The following RARB variants were observed in gnomAD, a reference collection of about 807,000 sequenced individuals.
RARB encodes HBV-activated protein.
RARB carries 17 observed loss-of-function variants against 51.9 expected under a neutral mutation model. The ratio of observed to expected loss-of-function variants is 0.33; its 90% confidence interval spans 0.22 to 0.49. The LOEUF is 0.49. RARB is among the 20% of genes least tolerant of loss of function. The probability of loss-of-function intolerance (pLI) is 0.99; values close to 1 mark genes in which losing one functional copy is unlikely to be tolerated. For synonymous variants in RARB, 215 were observed against 195.4 expected (o/e 1.10, Z -0.84); for missense variants, 369 against 550.8 (o/e 0.67, Z 3.30).
chr3:25,494,651 C>G (rs1425624974), intron 2 of RARB, among the ~76,000 whole-genome samples: 2 of 152,088 alleles, frequency 1.3e-5, no homozygotes, highest in Non-Finnish European at 2.9e-5. Flanking sequence ...TTTGTATGCT[C>G]CAAGAAAGCT....
chr3:25,558,344 C>T (rs991340374), intron 3 of RARB, among the ~76,000 whole-genome samples: 1 of 152,164 alleles, frequency 6.6e-6, no homozygotes, highest in Non-Finnish European at 1.5e-5. Flanking sequence ...TTTGCTCCTT[C>T]TTCATTCTTT....
chr3:24,924,245 C>T (rs922394931), intron 2 of RARB, among the ~76,000 whole-genome samples: 2 of 152,158 alleles, frequency 1.3e-5, no homozygotes, highest in Admixed American at 1.3e-4. Flanking sequence ...TAACCATGTA[C>T]TATCTTTGAT....
chr3:25,309,802 T>A (rs1704246454), intron 5 of RARB, among the ~76,000 whole-genome samples: 1 of 152,232 alleles, frequency 6.6e-6, no homozygotes, highest in African/African-American at 2.4e-5. Context: ...GCCTCATAAT[T>A]GCTCTTACCT....
intron 2 of RARB, among the ~76,000 whole-genome samples, chr3:25,474,295 C>A (rs774584231): frequency 3.6e-4 from 55 of 152,156 alleles, no homozygotes; most frequent in Non-Finnish European, 7.2e-4. Context: ...GATCTTACTT[C>A]TCTGTATTGT....
At chr3:25,222,512 TA>T (rs200130235) in intron 5 of RARB, among the ~76,000 whole-genome samples, 83 of 151,920 alleles carry the variant, frequency 5.5e-4, no homozygotes, top group Non-Finnish European at 6.2e-4. Flanking sequence ...TCAAATAGAT[TA>T]AAAAAACTTA....
chr3:25,514,675 C>T (rs1698070989), intron 3 of RARB, among the ~76,000 whole-genome samples: 1 of 152,164 alleles, frequency 6.6e-6, no homozygotes, highest in African/African-American at 2.4e-5. Context: ...GGTTTAGCAA[C>T]ATTGTTTAAA....
chr3:25,508,343 C>T (rs1559441626), intron 3 of RARB, among the ~76,000 whole-genome samples: 1 of 152,194 alleles, frequency 6.6e-6, no homozygotes, highest in Non-Finnish European at 1.5e-5. Flanking sequence ...CACTTAGATA[C>T]TTCTGTGGGA....
chr3:25,045,958 T>C (rs1485327500), intron 2 of RARB, among the ~76,000 whole-genome samples: 1 of 152,242 alleles, frequency 6.6e-6, no homozygotes, highest in East Asian at 1.9e-4. Flanking sequence ...TAATATTCAT[T>C]AGACCTGGCT....
chr3:25,336,389 T>C (rs961977089), intron 5 of RARB, among the ~76,000 whole-genome samples: 3 of 152,222 alleles, frequency 2.0e-5, no homozygotes, highest in Non-Finnish European at 4.4e-5. Context: ...TCTAATATTT[T>C]AGGTGCTTTT....
intron 5 of RARB, among the ~76,000 whole-genome samples, chr3:25,244,397 T>C (rs988667351): frequency 2.6e-5 from 4 of 152,094 alleles, no homozygotes; most frequent in African/African-American, 7.2e-5. Flanking sequence ...CTTTTAATTG[T>C]GATGTTAGGG....
At chr3:24,899,389 CCCAGCGCTT>C (rs1480901300) in intron 2 of RARB, among the ~76,000 whole-genome samples, 1 of 152,172 alleles carries the variant, frequency 6.6e-6, no homozygotes, top group Non-Finnish European at 1.5e-5. Context: ...TCAGTTATCT[CCCAGCGCTT>C]CCAGCTCCTT....
intron 3 of RARB, among the ~76,000 whole-genome samples, chr3:25,073,802 T>C (rs1343857004): frequency 6.6e-6 from 1 of 151,926 alleles, no homozygotes; most frequent in African/African-American, 2.4e-5. Flanking sequence ...AATTTCAATG[T>C]ATAAAGTAGA....
chr3:25,048,301 T>C (rs1455821007), intron 2 of RARB, among the ~76,000 whole-genome samples: 1 of 152,208 alleles, frequency 6.6e-6, no homozygotes, highest in East Asian at 1.9e-4. Flanking sequence ...AAGTTACCAA[T>C]CTGGATTTCC....
chr3:24,930,936 C>G (rs569594479), intron 2 of RARB, among the ~76,000 whole-genome samples: 1 of 152,126 alleles, frequency 6.6e-6, no homozygotes, highest in South Asian at 2.1e-4. Flanking sequence ...TTTCCTCAGC[C>G]CAAGAGTTTG....
intron 5 of RARB, among the ~76,000 whole-genome samples, chr3:25,240,517 T>A (rs1328768308): frequency 1.3e-5 from 2 of 152,138 alleles, no homozygotes; most frequent in Non-Finnish European, 2.9e-5. Flanking sequence ...CTATGCCTAG[T>A]TTGTTGATAG....
chr3:25,174,325 C>T lies in RARB; in HGVS notation c.-73C>T, dbSNP rs1311151794. On this transcript the variant is annotated 5_prime_UTR_variant, in exon 5 of 12. Transcript: ENST00000383772. ...TCAACTCCTGCAGTGCATTTGCCTC[C>T]CTCACTTTGGTTTAAGACCTGGAGT... 4.8e-6 allele frequency: 6 copies of T among 1,256,262 alleles called. No homozygotes were observed. The South Asian group carries it at 6.0e-5, about 13-fold the overall frequency. The allele number at this position is 1,256,262 out of a possible 1,614,324, so 77.8% of individuals were successfully genotyped here.
intron 3 of RARB, among the ~76,000 whole-genome samples, chr3:25,127,527 A>G (rs13085249): frequency 0.53 from 81,195 of 151,826 alleles, 22,073 homozygotes; most frequent in East Asian, 0.7. Context: ...CACTGTCTGA[A>G]AGTACCATTT....
chr3:24,969,149 A>AT (rs1298345761), intron 2 of RARB, among the ~76,000 whole-genome samples: 1 of 152,144 alleles, frequency 6.6e-6, no homozygotes, highest in Admixed American at 6.6e-5. Flanking sequence ...ATGTATATAA[A>AT]TATTACATAA....
rs547151825 is a variant in RARB, at chr3:25,253,815, C to T, written c.178+79240C>T. Among the ~76,000 whole-genome samples the T allele has an allele frequency of 1.6e-4, 24 of 152,234 alleles. 1 individual carries two copies. The South Asian group carries it at 3.3e-3, about 21-fold the overall frequency. ...ACTAAAAGACCCCTTTCTTTTCCAT[C>T]GAGCCCTAGTGGTCCCTCAAATTGC... On this transcript the variant is annotated intron_variant, in intron 5 of 11. Coordinates refer to the RARB transcript ENST00000383772.
Sources: gnomAD v4.1 joint callset for allele counts (sites outside exome capture counted in the v4.1 genomes callset) on GRCh38, gnomAD v4.1.1 for gene constraint, MANE v1.5 for transcripts, NCBI Gene and HGNC (gene_info 2026-07-23, HGNC 2026-07-21) for gene names.